PITPNM1: variants seen among roughly 807,000 people sequenced by gnomAD.
PITPNM1 encodes membrane-associated phosphatidylinositol transfer protein 1.
PITPNM1 carries 74 observed loss-of-function variants against 133.3 expected under a neutral mutation model. The ratio of observed to expected loss-of-function variants is 0.56; its 90% CI spans 0.46 to 0.67. The LOEUF (loss-of-function observed/expected upper bound fraction) is 0.67. PITPNM1 is among the 30% of genes least tolerant of loss of function. The pLI is 0.00. For missense variants in PITPNM1, 1,398 were observed against 1,739.5 expected, an observed-to-expected ratio of 0.80 and a Z score of 3.49; for synonymous variants, 738 against 741.4, an observed-to-expected ratio of 1.00 and a Z score of 0.08.
At chr11:67,497,487 T>A in intron 13 of PITPNM1, 35 bp downstream of exon 13, 1 of 1,596,736 alleles carries the variant, frequency 6.3e-7, no homozygotes, top group Non-Finnish European at 8.5e-7. Flanking sequence ...GTCCATCATG[T>A]GCCCAGGGTA....
intron 12 of PITPNM1, 39 bp downstream of exon 12, chr11:67,497,878 C>A: frequency 6.3e-7 from 1 of 1,588,044 alleles, no homozygotes; most frequent in South Asian, 1.1e-5. Context: ...CAGAGAGGGC[C>A]TTTCCGCTCC....
At position 67,499,812 on chromosome 11, in the gene PITPNM1, T is replaced by C; in HGVS notation, c.1082A>G (p.Glu361Gly). The C allele has an allele frequency of 6.4e-7, 1 of 1,565,218 alleles. No homozygotes were observed. The highest frequency in any genetic ancestry group is 8.7e-7 in the Non-Finnish European group (1 of 1,148,924). The change falls in exon 8 of 24, where the codon GAG becomes GGG. Residue 361 changes from glutamate to glycine, a missense_variant. Transcript: ENST00000356404. ...GGTCATCTCCTTGGGGAAGACCTCC[T>C]CACTGTCCGAGAAGCCTTCTGAGGG... The part of the protein sequence containing the change: ...FDAHEGFSDS[E>G]EVFPKEMTKW...
intron 20 of PITPNM1, 33 bp from the exon 21 acceptor site, chr11:67,493,870 G>A: frequency 6.6e-7 from 1 of 1,524,748 alleles, no homozygotes; most frequent in Non-Finnish European, 8.8e-7. Flanking sequence ...TGAGTGGCGC[G>A]GGGCGAGGCC....
intron 23 of PITPNM1, among the ~76,000 whole-genome samples, chr11:67,492,595 T>G (rs887293184): frequency 1.3e-5 from 2 of 152,256 alleles, no homozygotes; most frequent in African/African-American, 4.8e-5. Context: ...GCCCTGTGCC[T>G]GTTGATGTGA....
chr11:67,502,271 C>G lies in PITPNM1; in HGVS notation c.415+21G>C, dbSNP rs374003580. 1 of 1,609,910 alleles carries G rather than the reference C, an allele frequency of 6.2e-7. No individual in the cohort carries two copies. The highest frequency in any genetic ancestry group is 8.5e-7 in the Non-Finnish European group (1 of 1,178,836). ...GAGCCTGAGAGGGGCGCCAGGGTCC[C>G]CCCATAGCTCCAGGCCTCACCCAGG... On this transcript the variant is annotated intron_variant, in intron 4 of 23. Coordinates refer to ENST00000356404, the MANE Select transcript of PITPNM1 (RefSeq NM_004910.3). The surrounding 1 kb of genome is among the most constrained non-coding windows in gnomAD (Gnocchi z 5.9).
chr11:67,498,434 G>T lies in PITPNM1; in HGVS notation c.1485-112C>A. ...GCTCTGTGGGTCCTCTGTGGGGAGCGTTAGCCCCAAGAGGCAACTGAAATG... is the reference window on the plus strand; with the variant it reads ...GCTCTGTGGGTCCTCTGTGGGGAGCTTTAGCCCCAAGAGGCAACTGAAATG... On this transcript the variant is annotated intron_variant, in intron 10 of 23. Transcript: ENST00000356404. This position sits in a 1 kb window ranked among gnomAD's most constrained non-coding sequence, Gnocchi z 5.7. The T allele has an allele frequency of 7.2e-7, 1 of 1,388,382 alleles. No individual in the cohort carries two copies. The highest frequency in any genetic ancestry group is 9.7e-7 in the Non-Finnish European group (1 of 1,036,096). The allele number at this position is 1,388,382 out of a possible 1,614,324, so 86.0% of individuals were successfully genotyped here.
chr11:67,492,141 G>A lies in PITPNM1; in HGVS notation c.3627C>T (p.Arg1209=). Residue 1209 remains arginine, a synonymous_variant, in exon 24 of 24, where the codon CGC becomes CGT. Transcript: ENST00000356404. ...DFLRKQSQLL[R]SRGPSQAERE... is the part of the protein sequence containing the mutation. Reference sequence around the variant, plus strand: ...GCTCCGCCTGGCTGGGGCCCCTCGAGCGAAGCAGCTGGCTCTGTTTGCGCA... The same window carrying A: ...GCTCCGCCTGGCTGGGGCCCCTCGAACGAAGCAGCTGGCTCTGTTTGCGCA... The A allele has an allele frequency of 6.2e-7, 1 of 1,611,796 alleles. No individual in the cohort carries two copies.
At chr11:67,492,892 C>T (rs1591050716) in intron 23 of PITPNM1, 42 bp downstream of exon 23, 2 of 1,595,620 alleles carry the variant, frequency 1.3e-6, no homozygotes, top group East Asian at 2.2e-5. Context: ...AGGGCCCTGC[C>T]CCCTGGTGGG....
At position 67,502,575 on chromosome 11, in the gene PITPNM1, C is replaced by A. The variant is rs767544626; in HGVS notation, c.222G>T (p.Arg74=). Residue 74 remains arginine, a synonymous_variant, in exon 3 of 24, where the codon CGG becomes CGT. Transcript: ENST00000356404. This position sits in a 1 kb window ranked among gnomAD's most constrained non-coding sequence, Gnocchi z 5.9. The part of the protein sequence containing the change: ...HVGSHIPGWF[R]ALLPKAALQV... ...GCAGGGCAGCCTTGGGCAGCAGTGC[C>A]CGGAACCAGCCTGGGATGTGGGAGC... The A allele has an allele frequency of 2.5e-6, 4 of 1,613,644 alleles. No homozygotes were observed. In the South Asian group the frequency reaches 4.4e-5, roughly 18 times the overall value.
rs775819670 is a variant in PITPNM1 at position 67,493,510 on chromosome 11, G to A, written c.3242C>T (p.Ser1081Leu). 6.9e-6 allele frequency: 11 copies of A among 1,595,792 alleles called. No individual in the cohort carries two copies. In the African/African-American group the frequency reaches 1.2e-4, roughly 17 times the overall value. Residue 1081 changes from serine to leucine, a missense_variant, in exon 22 of 24, where the codon TCG becomes TTG. By Grantham distance (145) the Ser-to-Leu change is moderately radical. This residue lies in a region of PITPNM1 where 233 missense variants were observed against 378.0 expected (regional missense o/e 0.62). Coordinates refer to ENST00000356404, the MANE Select transcript of PITPNM1 (RefSeq NM_004910.3). ...MQKHRVVAWL[S>L]QHNFPHGVVS... ...GACGCCGTGGGGGAAGTTGTGCTGC[G>A]ACAGCCATGCCACCACGCGGTGCTT... is the stretch of plus-strand genomic sequence containing the variant.
At chr11:67,503,442 C>A (rs1235068343) in intron 2 of PITPNM1, among the ~76,000 whole-genome samples, 1 of 152,168 alleles carries the variant, frequency 6.6e-6, no homozygotes, top group Non-Finnish European at 1.5e-5. Flanking sequence ...CTCCCAATCC[C>A]AGCTCCGCCA....
chr11:67,500,209 T>C lies in PITPNM1; in HGVS notation c.853A>G (p.Thr285Ala), dbSNP rs200757389. Residue 285 changes from threonine to alanine, a missense_variant, in exon 6 of 24, where the codon ACT becomes GCT. Thr to Ala is a moderately conservative substitution (Grantham distance 58). Transcript: ENST00000356404. ...STEARSAASN[T>A]GTPDGPEAPP... is the part of the protein sequence containing the mutation. Reference sequence around the variant, plus strand: ...GCCTCAGGCCCATCGGGGGTGCCAGTGTTGCTGGCCGCAGACCGGGCCTCG... The same window carrying C: ...GCCTCAGGCCCATCGGGGGTGCCAGCGTTGCTGGCCGCAGACCGGGCCTCG... 1.2e-6 allele frequency: 2 copies of C among 1,603,986 alleles called. No individual in the cohort carries two copies. Among genetic ancestry groups the C allele is most frequent in the East Asian group, 2.2e-5 (1 of 44,852 alleles).
In PITPNM1 at chr11:67,497,641, C is replaced by T. The variant is rs372185175; in HGVS notation, c.1821G>A (p.Arg607=). Residue 607 remains arginine (R), a synonymous_variant, in exon 13 of 24, where the codon CGG becomes CGA. Coordinates refer to ENST00000356404, the MANE Select transcript of PITPNM1 (RefSeq NM_004910.3). ...CTTCCACACCATCTGCCAGGGGGTC[C>T]CGCACTGGGCCAAACTCCGGAGAGA... ...ELLSPEFGPV[R]DPLADGVEGL... 2.1e-5 allele frequency: 34 copies of T among 1,609,910 alleles called. No individual in the cohort carries two copies. The highest frequency in any genetic ancestry group is 2.9e-5 in the Non-Finnish European group (34 of 1,179,072).
chr11:67,502,222 G>C lies in PITPNM1; in HGVS notation c.415+70C>G, dbSNP rs2134325933. The C allele has an allele frequency of 2.5e-6, 4 of 1,578,968 alleles. No individual in the cohort carries two copies. The East Asian group carries it at 9.0e-5, about 35-fold the overall frequency. On this transcript the variant is annotated intron_variant, in intron 4 of 23. Coordinates refer to ENST00000356404, the MANE Select transcript of PITPNM1 (RefSeq NM_004910.3). The surrounding 1 kb of genome is among the most constrained non-coding windows in gnomAD (Gnocchi z 5.9). ...GCCTGGAGAGGGCTGGGACTTCTCA[G>C]AGGCTGCCCACTGAGGCAGCCAGGA...
At chr11:67,496,129 C>G in intron 15 of PITPNM1, 49 bp downstream of exon 15, 1 of 1,442,636 alleles carries the variant, frequency 6.9e-7, no homozygotes, top group Non-Finnish European at 9.1e-7. Context: ...CTCCTCCCTT[C>G]CTGTGTGTGC....
In PITPNM1 at chr11:67,498,427, G is replaced by A. The variant is rs1232126684; in HGVS notation, c.1485-105C>T. The A allele has an allele frequency of 2.2e-6, 3 of 1,394,254 alleles. No homozygotes were observed. In the African/African-American group the frequency reaches 4.3e-5, roughly 20 times the overall value. 86.4% of individuals were successfully genotyped at this position (1,394,254 alleles called of 1,614,324 possible). The stretch of plus-strand genomic sequence containing the variant: ...GGCCCTGGCTCTGTGGGTCCTCTGT[G>A]GGGAGCGTTAGCCCCAAGAGGCAAC... On this transcript the variant is annotated intron_variant, in intron 10 of 23. Coordinates refer to ENST00000356404, the MANE Select transcript of PITPNM1 (RefSeq NM_004910.3). The surrounding 1 kb of genome is among the most constrained non-coding windows in gnomAD (Gnocchi z 5.7).
At chr11:67,493,157 G>T in intron 22 of PITPNM1, 95 bp from the exon 23 acceptor site, 2 of 1,474,890 alleles carry the variant, frequency 1.4e-6, no homozygotes, top group Non-Finnish European at 1.9e-6. Flanking sequence ...CTGGGGGTGG[G>T]TCCAGGCAGA....
rs1184020355 is a variant in PITPNM1, at chr11:67,502,887, G to A, written c.79-169C>T. ...GCTCCCTGGGATCAGAATCACAGAT[G>A]CAGCCCAGCCCCGCATGGGGTCTGC... On this transcript the variant is annotated intron_variant, in intron 2 of 23. Transcript: ENST00000356404. This position sits in a 1 kb window ranked among gnomAD's most constrained non-coding sequence, Gnocchi z 5.9. Among the ~76,000 whole-genome samples the A allele has an allele frequency of 2.6e-5, 4 of 152,224 alleles. No homozygotes were observed. Among genetic ancestry groups the A allele is most frequent in the African/African-American group, 9.7e-5 (4 of 41,446 alleles).
In PITPNM1 at chr11:67,495,102, T is replaced by A. The variant is rs2134281681; in HGVS notation, c.2606A>T (p.Asp869Val). Residue 869 changes from aspartate to valine, a missense_variant, in exon 17 of 24, where the codon GAC becomes GTC. Asp to Val is a radical substitution (Grantham distance 152). Around this residue, in one of 5 missense-constraint regions of PITPNM1, gnomAD observed 574 missense variants for 698.7 expected, o/e 0.82. Transcript: ENST00000356404. ...CTGGCGCAGGATGAACGCCACCACG[T>A]CGGCGGACTCCCAGTAGCTGGCGTG... ...LFHASYWESA[D>V]VVAFILRQVI... 6.2e-7 allele frequency: 1 copy of A among 1,612,506 alleles called. No homozygotes were observed. Among genetic ancestry groups the A allele is most frequent in the South Asian group, 1.1e-5 (1 of 91,068 alleles).
Sources: allele counts gnomAD v4.1 joint callset (sites outside exome capture counted in the v4.1 genomes callset), GRCh38; gene constraint gnomAD v4.1.1; regional missense constraint gnomAD v4.1.1; non-coding constraint Gnocchi (gnomAD v3.1); transcripts MANE v1.5; gene names NCBI Gene and HGNC (gene_info 2026-07-23, HGNC 2026-07-21).